Variants in TRMT44 observed in about 807,000 individuals in gnomAD.
TRMT44 encodes probable tRNA (uracil-O(2)-)-methyltransferase.
TRMT44 carries 78 observed loss-of-function variants against 77.3 expected under a neutral mutation model. The observed-to-expected ratio is 1.01, with a 90% CI of 0.84 to 1.22. TRMT44 has a LOEUF of 1.22. Among genes scored for constraint, TRMT44 ranks in the 50% most tolerant of loss-of-function variants. The probability of loss-of-function intolerance (pLI) is 0.00; values close to 1 mark genes in which losing one functional copy is unlikely to be tolerated. For missense variants in TRMT44, 1,090 were observed against 964.4 expected (o/e 1.13, Z -1.73); for synonymous variants, 391 against 383.3 (o/e 1.02, Z -0.23).
intron 2 of TRMT44, among the ~76,000 whole-genome samples, chr4:8,487,426 G>T (rs1465446833): frequency 1.3e-5 from 2 of 152,080 alleles, no homozygotes; most frequent in Admixed American, 6.6e-5. Context: ...TCGGATCGTG[G>T]AAATAAGGGG....
the TRMT44 span, among the ~76,000 whole-genome samples, chr4:8,506,382 G>T: frequency 6.6e-6 from 1 of 152,216 alleles, no homozygotes; most frequent in Non-Finnish European, 1.5e-5. Context: ...CTGGAATTCC[G>T]CATTTCTTTA....
chr4:8,449,575 A>G, intron 2 of TRMT44, 94 bp from the exon 3 acceptor site: 2 of 1,015,874 alleles, frequency 2.0e-6, no homozygotes, highest in South Asian at 3.5e-5. Context: ...TAGATGTCTT[A>G]GCTTCTGTTT....
chr4:8,449,085 G>GA (rs1357586510), intron 2 of TRMT44, among the ~76,000 whole-genome samples: 1 of 152,192 alleles, frequency 6.6e-6, no homozygotes, highest in Non-Finnish European at 1.5e-5. Context: ...CTCATTTATT[G>GA]AATGCATCCA....
chr4:8,501,982 A>G, the TRMT44 span, among the ~76,000 whole-genome samples: 1 of 152,070 alleles, frequency 6.6e-6, no homozygotes, highest in African/African-American at 2.4e-5. The surrounding 1 kb of genome is among the most constrained non-coding windows in gnomAD (Gnocchi z 4.4). Flanking sequence ...TGGGGAAGTA[A>G]CTCCTCTCCC....
chr4:8,500,501 A>C, the TRMT44 span, among the ~76,000 whole-genome samples: 2 of 151,918 alleles, frequency 1.3e-5, no homozygotes, highest in Admixed American at 6.6e-5. Flanking sequence ...CTCTGGAAAA[A>C]ATAAATAAAT....
downstream of TRMT44, among the ~76,000 whole-genome samples, chr4:8,498,250 T>C (rs1728207066): frequency 1.3e-5 from 2 of 152,192 alleles, no homozygotes; most frequent in Admixed American, 1.3e-4. The surrounding 1 kb of genome is among the most constrained non-coding windows in gnomAD (Gnocchi z 4.3). Flanking sequence ...CACTGCAGGG[T>C]CTGGCAGTTT....
chr4:8,470,008 G>A (rs1313658970), intron 9 of TRMT44, among the ~76,000 whole-genome samples: 1 of 152,266 alleles, frequency 6.6e-6, no homozygotes, highest in Non-Finnish European at 1.5e-5. Context: ...AGTCAAGACC[G>A]CACACGTCAA....
At chr4:8,483,661 G>A (rs901867465) in intron 2 of TRMT44, among the ~76,000 whole-genome samples, 15 of 152,170 alleles carry the variant, frequency 9.9e-5, no homozygotes, top group African/African-American at 3.6e-4. Context: ...ACTGAGAACT[G>A]TAAGGGATAT....
intron 1 of TRMT44, among the ~76,000 whole-genome samples, chr4:8,442,264 A>G (rs974446043): frequency 6.6e-6 from 1 of 152,240 alleles, no homozygotes; most frequent in African/African-American, 2.4e-5. Context: ...CAGGCATGCC[A>G]TAAGCCTTTT....
At chr4:8,508,415 G>A in the TRMT44 span, among the ~76,000 whole-genome samples, 1 of 152,170 alleles carries the variant, frequency 6.6e-6, no homozygotes, top group South Asian at 2.1e-4. Context: ...TTATTGGTTG[G>A]GCCTGGGGAG....
the TRMT44 span, among the ~76,000 whole-genome samples, chr4:8,503,101 T>C: frequency 1.3e-5 from 2 of 152,228 alleles, no homozygotes; most frequent in Non-Finnish European, 2.9e-5. Context: ...GCTTTCCCAC[T>C]GGGTCTCTGC....
chr4:8,447,229 G>A (rs1043556704), intron 2 of TRMT44, among the ~76,000 whole-genome samples: 2 of 152,180 alleles, frequency 1.3e-5, no homozygotes, highest in African/African-American at 4.8e-5. Flanking sequence ...GGTTCCTTCT[G>A]TAGTAAGTAT....
chr4:8,473,339 A>C (rs957604225), intron 10 of TRMT44: 16 of 152,402 alleles, frequency 1.0e-4, no homozygotes, highest in African/African-American at 2.9e-4. Context: ...TGCCGGGTAC[A>C]CGCGGGGCCT....
intron 2 of TRMT44, among the ~76,000 whole-genome samples, chr4:8,482,915 G>C (rs1479898286): frequency 1.3e-5 from 2 of 149,042 alleles, no homozygotes; most frequent in Non-Finnish European, 3.0e-5. Flanking sequence ...TTTTGGGGGG[G>C]GTGGTATGGA....
the TRMT44 span, among the ~76,000 whole-genome samples, chr4:8,502,257 C>T: frequency 1.4e-4 from 22 of 152,308 alleles, no homozygotes; most frequent in East Asian, 3.9e-4. Flanking sequence ...GACAGGCAGC[C>T]GCCATGAAAT....
rs1422597958 is a variant in TRMT44, at chr4:8,440,906, G to A, written c.84G>A (p.Leu28=). The A allele has an allele frequency of 6.5e-7, 1 of 1,530,366 alleles. No individual in the cohort carries two copies. The highest frequency in any genetic ancestry group is 8.7e-7 in the Non-Finnish European group (1 of 1,145,468). The allele number at this position is 1,530,366 out of a possible 1,614,324, so 94.8% of individuals were successfully genotyped here. A position where few individuals can be genotyped will look rare whatever the true frequency, so the allele number is the denominator to read the frequency against. ...TCTGGGCTGCGGTCGAAGTGTGGCT[G>A]GAGAGGCCGCAGGTGGCAAACAAAC... ...QGFWAAVEVW[L]ERPQVANKRL... The change falls in exon 1 of 11, where the codon CTG becomes CTA. Residue 28 remains leucine, a synonymous_variant. Coordinates refer to ENST00000389737, the MANE Select transcript of TRMT44 (RefSeq NM_152544.3).
rs1263784092 is a variant in TRMT44, at chr4:8,468,111, C to G, written c.1692C>G (p.Val564=). The G allele has an allele frequency of 6.2e-7, 1 of 1,613,860 alleles. No homozygotes were observed. The highest frequency in any genetic ancestry group is 1.1e-5 in the South Asian group (1 of 91,068). ...CDGQQALDAR[V]GCVTRAWAAE... ...GTCAGCAAGCTCTGGACGCCAGGGT[C>G]GGGTGTGTAACCAGGGCCTGGGCCG... Residue 564 remains valine, a synonymous_variant, in exon 9 of 11, where the codon GTC becomes GTG. Coordinates refer to ENST00000389737, the MANE Select transcript of TRMT44 (RefSeq NM_152544.3).
At chr4:8,466,435 G>T (rs562003231) in intron 8 of TRMT44, among the ~76,000 whole-genome samples, 34 of 152,362 alleles carry the variant, frequency 2.2e-4, no homozygotes, top group African/African-American at 7.7e-4. Context: ...CAGCGGGGAG[G>T]GCATGTTGTG....
At position 8,490,172 on chromosome 4, in the gene TRMT44, G is replaced by A. The variant is rs116005204; in HGVS notation, n.3892-3094G>A. The stretch of plus-strand genomic sequence containing the variant: ...GCACCCGTTCCTTGGCCACCCCCAC[G>A]CCTTCCCCGAAACTGCCTTTGAAAA... On this transcript the variant is annotated intron_variant and non_coding_transcript_variant, in intron 2 of 2. Coordinates refer to the TRMT44 transcript ENST00000511366. Among the ~76,000 whole-genome samples the A allele has an allele frequency of 4.7e-3, 722 of 152,080 alleles. 8 individuals carry two copies. The highest frequency in any genetic ancestry group is 0.017 in the African/African-American group (692 of 41,462).
Sources: allele counts gnomAD v4.1 joint callset (sites outside exome capture counted in the v4.1 genomes callset), GRCh38; gene constraint gnomAD v4.1.1; non-coding constraint Gnocchi (gnomAD v3.1); transcripts MANE v1.5; gene names NCBI Gene and HGNC (gene_info 2026-07-23, HGNC 2026-07-21).